The following KCP variants were observed in gnomAD, a reference collection of about 807,000 sequenced individuals.
KCP encodes the protein kielin cysteine rich BMP regulator.
In KCP, 194 loss-of-function variants were observed where a neutral mutation model predicts 212.7. The ratio of observed to expected loss-of-function variants is 0.91; its 90% CI spans 0.81 to 1.03. The LOEUF is 1.03. Ranked by LOEUF, KCP falls within the 50% of genes least tolerant of loss-of-function variation. KCP has a pLI of 0.00. For missense variants in KCP, 2,080 were observed against 2,162.5 expected, an observed-to-expected ratio of 0.96 and a Z score of 0.76; for synonymous variants, 833 against 865.3, an observed-to-expected ratio of 0.96 and a Z score of 0.65.
chr7:128,904,421 A>G (rs1466322309), intron 5 of KCP: 3 of 1,393,430 alleles, frequency 2.2e-6, no homozygotes, highest in Non-Finnish European at 3.0e-6. Context: ...TTCCCCCACC[A>G]TCCTCCCTCT....
At position 128,908,524 on chromosome 7, in the gene KCP, G is replaced by A. The variant is rs1184903103; in HGVS notation, c.121C>T (p.His41Tyr). The A allele has an allele frequency of 6.4e-7, 1 of 1,551,768 alleles. No homozygotes were observed. Among genetic ancestry groups the A allele is most frequent in the Admixed American group, 2.0e-5 (1 of 51,004 alleles). ...GAGTTCCCAGCAAGGACTGAGGAAT[G>A]GGCAGTTGTCTGCTGCCCAGGGGGC... The part of the protein sequence containing the change: ...REPPGQQTTA[H>Y]SSVLAGNSQE... Residue 41 changes from histidine to tyrosine, a missense_variant, in exon 2 of 40, where the codon CAT becomes TAT. Coordinates refer to ENST00000610776, the MANE Select transcript of KCP (RefSeq NM_001366122.1).
chr7:128,887,822 CAT>C lies in KCP; in HGVS notation c.2513-524_2513-523del, dbSNP rs1391668262. Among the ~76,000 whole-genome samples, 18 of 119,744 alleles carry C rather than the reference CAT, an allele frequency of 1.5e-4. No individual in the cohort carries two copies. In the South Asian group the frequency reaches 4.0e-3, roughly 27 times the overall value. The allele number at this position is 119,744 out of a possible 152,430, so 78.6% of individuals were successfully genotyped here. A position where few individuals can be genotyped will look rare whatever the true frequency, so the allele number is the denominator to read the frequency against. On this transcript the variant is annotated intron_variant, in intron 22 of 39. Coordinates refer to ENST00000610776, the MANE Select transcript of KCP (RefSeq NM_001366122.1). ...ACACACATACCCATATACACAGCCA[CAT>C]ACACACACACACACACACATACACA...
At chr7:128,897,006 C>T (rs1794571606) in intron 8 of KCP, among the ~76,000 whole-genome samples, 1 of 152,004 alleles carries the variant, frequency 6.6e-6, no homozygotes, top group South Asian at 2.1e-4. Flanking sequence ...CTTTCCCACT[C>T]TGCCTCAGGC....
chr7:128,894,273 G>C lies in KCP; in HGVS notation c.852C>G (p.Arg284=). 1 of 1,543,688 alleles carries C rather than the reference G, an allele frequency of 6.5e-7. No homozygotes were observed. Residue 284 remains arginine (R), a synonymous_variant, in exon 9 of 40, where the codon CGC becomes CGG. Coordinates refer to ENST00000610776, the MANE Select transcript of KCP (RefSeq NM_001366122.1). Reference sequence around the variant, plus strand: ...GACACAGGCTGGCACATTCTCGCTGGCGGCACTGGATGTGACCCTCCTGGT... The same window carrying C: ...GACACAGGCTGGCACATTCTCGCTGCCGGCACTGGATGTGACCCTCCTGGT... ...CRCLEGHIQC[R]QRECASLCPY...
At chr7:128,881,501 C>T (rs1441966196) in intron 31 of KCP, 125 bp downstream of exon 31, 1 of 598,810 alleles carries the variant, frequency 1.7e-6, no homozygotes, top group Non-Finnish European at 2.7e-6. Flanking sequence ...AAAGAATGAA[C>T]CCTGCATTCT....
chr7:128,899,858 T>G, intron 8 of KCP, among the ~76,000 whole-genome samples: 1 of 152,170 alleles, frequency 6.6e-6, no homozygotes, highest in African/African-American at 2.4e-5. Context: ...GGAATCATGA[T>G]TCCTTAAGGA....
At chr7:128,909,589 C>A (rs975217003) in intron 1 of KCP, among the ~76,000 whole-genome samples, 1 of 151,976 alleles carries the variant, frequency 6.6e-6, no homozygotes, top group African/African-American at 2.4e-5. Context: ...CCTAATACAT[C>A]CCCCCCTTCT....
chr7:128,890,803 T>G (rs1585219804), intron 20 of KCP, 102 bp downstream of exon 20: 2 of 993,050 alleles, frequency 2.0e-6, no homozygotes, highest in Non-Finnish European at 2.7e-6. Flanking sequence ...ATCCCCGACG[T>G]GGGCGGAGCG....
intron 4 of KCP, among the ~76,000 whole-genome samples, chr7:128,906,853 A>G (rs1422256047): frequency 6.6e-6 from 1 of 151,758 alleles, no homozygotes; most frequent in Non-Finnish European, 1.5e-5. Context: ...TTTTGCACCA[A>G]CCTAATACAT....
At chr7:128,888,399 TAC>T (rs1410202767) in intron 22 of KCP, among the ~76,000 whole-genome samples, 2 of 80,956 alleles carry the variant, frequency 2.5e-5, no homozygotes, top group African/African-American at 9.9e-5. Context: ...CACACACAGA[TAC>T]ACACATACAC....
intron 28 of KCP, 121 bp from the exon 29 acceptor site, chr7:128,884,243 C>T (rs1415339740): frequency 8.6e-6 from 11 of 1,281,878 alleles, no homozygotes; most frequent in Admixed American, 5.9e-5. Context: ...GTCTTGGGCC[C>T]TGAACTCAAG....
At position 128,908,501 on chromosome 7, in the gene KCP, G is replaced by A. The variant is rs1221291639; in HGVS notation, c.144C>T (p.Asn48=). 3.7e-5 allele frequency: 58 copies of A among 1,551,848 alleles called. No homozygotes were observed. In the East Asian group the frequency reaches 1.3e-3, roughly 35 times the overall value. Residue 48 remains asparagine (N), a synonymous_variant, in exon 2 of 40, where the codon AAC becomes AAT. Coordinates refer to ENST00000610776, the MANE Select transcript of KCP (RefSeq NM_001366122.1). ...TTAHSSVLAG[N]SQEQWHPLRE... ...GCAGGGGGTGCCACTGCTCCTGGGAGTTCCCAGCAAGGACTGAGGAATGGG... is the reference window on the plus strand; with the variant it reads ...GCAGGGGGTGCCACTGCTCCTGGGAATTCCCAGCAAGGACTGAGGAATGGG...
At chr7:128,905,216 C>T (rs946732565) in intron 5 of KCP, among the ~76,000 whole-genome samples, 1 of 152,152 alleles carries the variant, frequency 6.6e-6, no homozygotes, top group Non-Finnish European at 1.5e-5. Context: ...AAAATTTGAA[C>T]TTCAGAAGAA....
chr7:128,884,684 C>G, intron 28 of KCP, 97 bp downstream of exon 28: 1 of 1,157,870 alleles, frequency 8.6e-7, no homozygotes, highest in African/African-American at 1.5e-5. Context: ...CCCAGAGTGC[C>G]TGCTCCATGC....
At position 128,893,157 on chromosome 7, in the gene KCP, C is replaced by G. The variant is rs906185147; in HGVS notation, c.1267+81G>C. The stretch of plus-strand genomic sequence containing the variant: ...CTAGTGGACTTAGCAACCCGTACCC[C>G]GTCCTGGGAAGGAGCACCCTCCTTC... On this transcript the variant is annotated intron_variant, in intron 13 of 39. Transcript: ENST00000610776. The G allele has an allele frequency of 1.1e-5, 15 of 1,387,808 alleles. No homozygotes were observed. In the African/African-American group the frequency reaches 2.1e-4, roughly 20 times the overall value. The allele number at this position is 1,387,808 out of a possible 1,614,324, so 86.0% of individuals were successfully genotyped here.
Position 128,877,624 on chromosome 7 carries a change from A to G in KCP, c.4478T>C (p.Phe1493Ser). 6.4e-7 allele frequency: 1 copy of G among 1,551,660 alleles called. No individual in the cohort carries two copies. The highest frequency in any genetic ancestry group is 8.7e-7 in the Non-Finnish European group (1 of 1,146,978). The change falls in exon 39 of 40, where the codon TTT (phenylalanine) becomes TCT (serine). Residue 1493 changes from phenylalanine (F) to serine (S), a missense_variant. Physicochemically the swap from Phe to Ser is radical, Grantham distance 155. Transcript: ENST00000610776. ...ACACAGGTCATACACACAGGCGGCA[A>G]AGAAGGGCTCCGGTGGCACCACAGC... ...CHAVVPPEPF[F>S]AACVYDLCAC...
chr7:128,890,936 C>CG lies in KCP; in HGVS notation c.2132dup (p.Arg712AlafsTer65). ...AGGAGGGGCAGCAAGGCCCCTGGCGCGGGTGCGCGCAGGGCGCGGGCGGGC... is the reference window on the plus strand; with the variant it reads ...AGGAGGGGCAGCAAGGCCCCTGGCGCGGGGTGCGCGCAGGGCGCGGGCGGGC... On this transcript the variant is annotated frameshift_variant, in exon 20 of 40. Coordinates refer to ENST00000610776, the MANE Select transcript of KCP (RefSeq NM_001366122.1). LOFTEE classifies it high-confidence loss of function. 8.0e-7 allele frequency: 1 copy of CG among 1,244,932 alleles called. No individual in the cohort carries two copies. The highest frequency in any genetic ancestry group is 1.0e-6 in the Non-Finnish European group (1 of 999,016). 77.1% of individuals were successfully genotyped at this position (1,244,932 alleles called of 1,614,324 possible). A position where few individuals can be genotyped will look rare whatever the true frequency, so the allele number is the denominator to read the frequency against.
rs1028558394 is a variant in KCP at position 128,889,027 on chromosome 7, A to G, written c.2348T>C (p.Leu783Pro). 1 of 1,508,682 alleles carries G rather than the reference A, an allele frequency of 6.6e-7. No homozygotes were observed. The highest frequency in any genetic ancestry group is 1.2e-5 in the South Asian group (1 of 80,280). The allele number at this position is 1,508,682 out of a possible 1,614,324, so 93.5% of individuals were successfully genotyped here. ...CCPDCDGCEY[L>P]GESYLSNQEF... Reference sequence around the variant, plus strand: ...CTGGTTACTCAGGTAGGACTCCCCCAGGTACTCACAGCCTTTCAGAGAAGA... The same window carrying G: ...CTGGTTACTCAGGTAGGACTCCCCCGGGTACTCACAGCCTTTCAGAGAAGA... Residue 783 changes from leucine to proline, a missense_variant, in exon 22 of 40, where the codon CTG (leucine) becomes CCG (proline). Transcript: ENST00000610776.
Position 128,892,921 on chromosome 7 carries a change from G to C in KCP, c.1368C>G (p.Cys456Trp). 2.0e-6 allele frequency: 3 copies of C among 1,507,694 alleles called. No homozygotes were observed. Among genetic ancestry groups the C allele is most frequent in the Non-Finnish European group, 2.7e-6 (3 of 1,107,160 alleles). 93.4% of individuals were successfully genotyped at this position (1,507,694 alleles called of 1,614,324 possible). The part of the protein sequence containing the change: ...ACVCQDGVPK[C>W]GAVLCPPAPC... ...GGGCTGGGGGGCAGAGCACAGCCCC[G>C]CACTTGGGTACCCCATCTTGACAGA... The change falls in exon 14 of 40, where the codon TGC becomes TGG. Residue 456 changes from cysteine to tryptophan, a missense_variant. Transcript: ENST00000610776.
Sources: gnomAD v4.1 joint callset for allele counts (sites outside exome capture counted in the v4.1 genomes callset) on GRCh38, gnomAD v4.1.1 for gene constraint, MANE v1.5 for transcripts, NCBI Gene and HGNC (gene_info 2026-07-23, HGNC 2026-07-21) for gene names.